DISC1: variants seen among roughly 807,000 people sequenced by gnomAD.
The protein encoded by DISC1 is DISC1 scaffold protein.
DISC1 carries 57 observed loss-of-function variants against 84.5 expected under a neutral mutation model. The ratio of observed to expected loss-of-function variants is 0.67; its 90% CI spans 0.55 to 0.84. The LOEUF is 0.84. Ranked by LOEUF, DISC1 falls within the 40% of genes least tolerant of loss-of-function variation. DISC1 has a pLI of 0.00. For synonymous variants in DISC1, 411 were observed against 415.2 expected, an observed-to-expected ratio of 0.99 and a Z score of 0.12; for missense variants, 1,000 against 1,057.8, an observed-to-expected ratio of 0.95 and a Z score of 0.76.
At chr1:232,012,631 A>G (rs987918747) in intron 11 of DISC1, among the ~76,000 whole-genome samples, 4 of 152,232 alleles carry the variant, frequency 2.6e-5, no homozygotes, top group African/African-American at 9.6e-5. Flanking sequence ...CAAATCTTCC[A>G]TGAAAAATTA....
intron 9 of DISC1, among the ~76,000 whole-genome samples, chr1:231,821,119 T>C (rs2081462029): frequency 6.6e-6 from 1 of 152,230 alleles, no homozygotes; most frequent in Admixed American, 6.5e-5. Context: ...GCATGATGTC[T>C]TTTAAAATAG....
intron 1 of DISC1, among the ~76,000 whole-genome samples, chr1:231,638,219 C>A (rs1218610291): frequency 6.6e-6 from 1 of 152,104 alleles, no homozygotes; most frequent in African/African-American, 2.4e-5. Flanking sequence ...GGGTTCCTTG[C>A]ATATTCTGGA....
At chr1:231,832,642 A>G (rs2082323777) in intron 9 of DISC1, among the ~76,000 whole-genome samples, 1 of 149,996 alleles carries the variant, frequency 6.7e-6, no homozygotes, top group Admixed American at 6.7e-5. Context: ...GTGAAAGCGA[A>G]GAGAGGCTGG....
intron 9 of DISC1, among the ~76,000 whole-genome samples, chr1:231,831,785 TGTC>T (rs1558622895): frequency 6.6e-6 from 1 of 151,524 alleles, no homozygotes; most frequent in Non-Finnish European, 1.5e-5. Context: ...AATATTGACG[TGTC>T]GTCCTTTTGC....
rs548043711 is a variant in DISC1 at position 231,799,829 on chromosome 1, C to T, written c.1690-279C>T. The stretch of plus-strand genomic sequence containing the variant: ...TTGTTCTTCTTCCTACATTTCCCTC[C>T]CTCTTTCCCTTCTCTTTCCTTCCCT... On this transcript the variant is annotated intron_variant, in intron 7 of 12. Transcript: ENST00000439617. Among the ~76,000 whole-genome samples the T allele has an allele frequency of 2.4e-5, 3 of 125,206 alleles. No homozygotes were observed. The East Asian group carries it at 7.2e-4, about 30-fold the overall frequency. The allele number at this position is 125,206 out of a possible 152,430, so 82.1% of individuals were successfully genotyped here.
chr1:231,885,812 C>G (rs1482020317), intron 9 of DISC1, among the ~76,000 whole-genome samples: 1 of 152,168 alleles, frequency 6.6e-6, no homozygotes, highest in Non-Finnish European at 1.5e-5. Flanking sequence ...CTGTGTGGAG[C>G]TCGAGCTAAA....
At chr1:231,987,117 T>C (rs1168672461) in intron 10 of DISC1, among the ~76,000 whole-genome samples, 3 of 152,230 alleles carry the variant, frequency 2.0e-5, no homozygotes, top group African/African-American at 4.8e-5. Context: ...CTGCAGATAT[T>C]GATGTCAGCC....
At chr1:231,956,672 T>C (rs1206728387) in intron 9 of DISC1, among the ~76,000 whole-genome samples, 2 of 152,188 alleles carry the variant, frequency 1.3e-5, no homozygotes, top group African/African-American at 2.4e-5. Context: ...ATTAATTATG[T>C]GCAAAATTCT....
intron 9 of DISC1, among the ~76,000 whole-genome samples, chr1:231,887,336 T>C (rs1372387319): frequency 1.3e-5 from 2 of 152,214 alleles, no homozygotes; most frequent in African/African-American, 4.8e-5. Context: ...TCCTAGTGCC[T>C]TGACTTCTTC....
intron 10 of DISC1, among the ~76,000 whole-genome samples, chr1:232,004,836 C>A (rs1414825747): frequency 6.6e-6 from 1 of 151,272 alleles, no homozygotes. Context: ...TCCCTCCCTC[C>A]CTCGCTCCAT....
chr1:231,674,992 A>G (rs1288256892), intron 1 of DISC1, among the ~76,000 whole-genome samples: 2 of 152,240 alleles, frequency 1.3e-5, no homozygotes, highest in African/African-American at 4.8e-5. Context: ...TTTCCCAAGA[A>G]TAGCAGTATG....
chr1:231,842,409 A>T (rs1042881880), intron 9 of DISC1, among the ~76,000 whole-genome samples: 1 of 152,226 alleles, frequency 6.6e-6, no homozygotes, highest in Non-Finnish European at 1.5e-5. Flanking sequence ...ATTTCAATGG[A>T]TATTGAACTT....
intron 3 of DISC1, among the ~76,000 whole-genome samples, chr1:231,709,680 T>A (rs901078491): frequency 6.6e-6 from 1 of 152,004 alleles, no homozygotes; most frequent in Non-Finnish European, 1.5e-5. Context: ...GCCAAAAGAA[T>A]TTTTTTTCTC....
At chr1:231,780,237 T>TAAAA (rs11451092) in intron 6 of DISC1, among the ~76,000 whole-genome samples, 2 of 103,950 alleles carry the variant, frequency 1.9e-5, no homozygotes, top group Non-Finnish European at 2.2e-5. Context: ...TAAAGTATAA[T>TAAAA]AAAAAAAAAA....
At chr1:231,714,746 G>C (rs1339700182) in intron 3 of DISC1, among the ~76,000 whole-genome samples, 2 of 151,940 alleles carry the variant, frequency 1.3e-5, no homozygotes, top group Non-Finnish European at 2.9e-5. Context: ...GAGAGAGAGA[G>C]AGACAGAAGG....
chr1:231,873,817 CTTCTATCA>C (rs2085643972), intron 9 of DISC1, among the ~76,000 whole-genome samples: 1 of 151,040 alleles, frequency 6.6e-6, no homozygotes, highest in African/African-American at 2.4e-5. Flanking sequence ...CAAATTATGA[CTTCTATCA>C]TTGGAAGAGG....
chr1:231,888,547 A>G (rs968399166), intron 9 of DISC1, among the ~76,000 whole-genome samples: 1 of 151,560 alleles, frequency 6.6e-6, no homozygotes. Context: ...GCTCCTGGCT[A>G]ACACGGTGAA....
At chr1:231,978,591 A>C (rs754058237) in intron 10 of DISC1, among the ~76,000 whole-genome samples, 5 of 152,212 alleles carry the variant, frequency 3.3e-5, no homozygotes, top group Admixed American at 2.6e-4. Context: ...GTGCATTAGT[A>C]GGAAGTCACG....
At chr1:231,722,581 C>A in intron 3 of DISC1, 6 of 1,614,196 alleles carry the variant, frequency 3.7e-6, no homozygotes, top group Non-Finnish European at 3.4e-6. Context: ...GCCTCGACAT[C>A]CTGAACCAAA....
Sources: allele counts gnomAD v4.1 joint callset (sites outside exome capture counted in the v4.1 genomes callset), GRCh38; gene constraint gnomAD v4.1.1; transcripts MANE v1.5; gene names NCBI Gene and HGNC (gene_info 2026-07-23, HGNC 2026-07-21).